The following MAP3K12 variants were observed in gnomAD, a reference collection of about 807,000 sequenced individuals.
MAP3K12 encodes MAPK-upstream kinase.
In MAP3K12, 14 loss-of-function variants were observed where a neutral mutation model predicts 87.5. The ratio of observed to expected loss-of-function variants is 0.16; its 90% CI spans 0.11 to 0.25. MAP3K12 has a LOEUF of 0.25. MAP3K12 is among the 10% of genes least tolerant of loss of function. The probability of loss-of-function intolerance (pLI) is 1.00; values close to 1 mark genes in which losing one functional copy is unlikely to be tolerated. For missense variants in MAP3K12, 802 were observed against 1,140.4 expected, an observed-to-expected ratio of 0.70 and a Z score of 4.27; for synonymous variants, 469 against 452.5, an observed-to-expected ratio of 1.04 and a Z score of -0.46.
chr12:53,482,393 G>T (rs1301421142), intron 11 of MAP3K12, 24 bp from the exon 12 acceptor site: 1 of 1,613,016 alleles, frequency 6.2e-7, no homozygotes, highest in South Asian at 1.1e-5. Flanking sequence ...GGGGTGGGGG[G>T]GGTCTGATTA....
Position 53,484,246 on chromosome 12 carries a change from C to T in MAP3K12, c.1248+11G>A. ...GGGAGTTAGGTATTTATTTTCCTAC[C>T]CACAGCACACCTGGGACTTAAAGTA... On this transcript the variant is annotated intron_variant, in intron 7 of 13. Transcript: ENST00000547488. The T allele has an allele frequency of 6.2e-7, 1 of 1,609,820 alleles. No individual in the cohort carries two copies.
chr12:53,483,171 C>A lies in MAP3K12; in HGVS notation c.1632G>T (p.Thr544=), dbSNP rs757861359. ...CATCTAGTTTAGGGAGCAAAGACTC[C>A]GTCTTGAGGATATCTGGCCTGGAAG... ...PHSKRPDILK[T]ESLLPKLDAA... is the part of the protein sequence containing the mutation. Residue 544 remains threonine, a synonymous_variant, in exon 11 of 14, where the codon ACG becomes ACT. Transcript: ENST00000547488. 25 of 1,521,112 alleles carry A rather than the reference C, an allele frequency of 1.6e-5. 1 individual carries two copies. In the South Asian group the frequency reaches 3.1e-4, roughly 19 times the overall value. 94.2% of individuals were successfully genotyped at this position (1,521,112 alleles called of 1,614,324 possible). A position where few individuals can be genotyped will look rare whatever the true frequency, so the allele number is the denominator to read the frequency against.
Position 53,482,202 on chromosome 12 carries a change from C to G in MAP3K12, c.2319G>C (p.Gln773His), listed in dbSNP as rs773337527. Residue 773 changes from glutamine to histidine, a missense_variant, in exon 13 of 14, where the codon CAG becomes CAC. Around this residue, in one of 5 missense-constraint regions of MAP3K12, gnomAD observed 490 missense variants for 496.6 expected, o/e 0.99. Transcript: ENST00000547488. ...VELTSSQRWP[Q>H]SLNMRQSLST... ...ATAGTGACTGGCGCATGTTCAGGCT[C>G]TGAGGCCACCTACATGTTGAAGAGG... 5.3e-5 allele frequency: 86 copies of G among 1,614,048 alleles called. No individual in the cohort carries two copies. Among genetic ancestry groups the G allele is most frequent in the Non-Finnish European group, 7.1e-5 (84 of 1,179,986 alleles).
chr12:53,482,856 T>C lies in MAP3K12; in HGVS notation c.1947A>G (p.Ala649=). 1.2e-6 allele frequency: 2 copies of C among 1,612,830 alleles called. No individual in the cohort carries two copies. Among genetic ancestry groups the C allele is most frequent in the Non-Finnish European group, 8.5e-7 (1 of 1,179,450 alleles). Residue 649 remains alanine (A), a synonymous_variant, in exon 11 of 14, where the codon GCA becomes GCG. Transcript: ENST00000547488. The part of the protein sequence containing the change: ...MSSSSPDLLS[A]ALGSRGRGAT... Reference sequence around the variant, plus strand: ...CCCCCCGGCCCCGGGACCCTAGTGCTGCTGACAGCAGGTCTGGGGACGATG... The same window carrying C: ...CCCCCCGGCCCCGGGACCCTAGTGCCGCTGACAGCAGGTCTGGGGACGATG...
At chr12:53,494,346 A>T (rs1465780370) in intron 1 of MAP3K12, among the ~76,000 whole-genome samples, 1 of 152,246 alleles carries the variant, frequency 6.6e-6, no homozygotes, top group Non-Finnish European at 1.5e-5. Context: ...GAGGGGACAG[A>T]ATGATCTCTA....
chr12:53,492,520 G>A (rs1943442018), intron 1 of MAP3K12, among the ~76,000 whole-genome samples: 1 of 152,088 alleles, frequency 6.6e-6, no homozygotes, highest in Non-Finnish European at 1.5e-5. Flanking sequence ...CCAGGTGAAG[G>A]AGGTACTACT....
chr12:53,490,715 C>T (rs925306363), intron 1 of MAP3K12, among the ~76,000 whole-genome samples: 2 of 150,186 alleles, frequency 1.3e-5, no homozygotes, highest in African/African-American at 4.9e-5. Flanking sequence ...CACTGCACTC[C>T]AGCCTGGGCA....
chr12:53,501,420 G>A (rs544720790), upstream of MAP3K12: 12 of 1,567,032 alleles, frequency 7.7e-6, no homozygotes, highest in Admixed American at 2.1e-4. Flanking sequence ...TGAGTGAAGA[G>A]GAGCAAGGCT....
At chr12:53,501,197 G>A (rs374106692), upstream of MAP3K12, 207 of 589,502 alleles carry the variant, frequency 3.5e-4, no homozygotes, top group African/African-American at 3.4e-3. Flanking sequence ...GCCCGGGCGA[G>A]CCACGCACGC....
At chr12:53,495,122 G>A (rs1354952027) in intron 1 of MAP3K12, among the ~76,000 whole-genome samples, 2 of 152,018 alleles carry the variant, frequency 1.3e-5, no homozygotes, top group Admixed American at 6.5e-5. Context: ...GGCGGATCAT[G>A]AGGTCAGGAG....
rs766684603 is a variant in MAP3K12, at chr12:53,482,224, G to A, written c.2310-13C>T. The A allele has an allele frequency of 1.9e-6, 3 of 1,614,158 alleles. No individual in the cohort carries two copies. In the South Asian group the frequency reaches 3.3e-5, roughly 18 times the overall value. ...GCTCTGAGGCCACCTACATGTTGAAGAGGGGGATTACAGCTTGGTTCTGCC... is the reference window on the plus strand; with the variant it reads ...GCTCTGAGGCCACCTACATGTTGAAAAGGGGGATTACAGCTTGGTTCTGCC... On this transcript the variant is annotated splice_polypyrimidine_tract_variant and intron_variant, in intron 12 of 13. Transcript: ENST00000547488.
chr12:53,487,460 G>A, intron 1 of MAP3K12, 32 bp from the exon 2 acceptor site: 1 of 1,541,606 alleles, frequency 6.5e-7, no homozygotes. Flanking sequence ...GGGCTGGGCT[G>A]TTAAAGCCCC....
At chr12:53,500,962 T>G, upstream of MAP3K12, 1 of 171,770 alleles carries the variant, frequency 5.8e-6, no homozygotes, top group South Asian at 1.1e-4. Context: ...GGCTCTTGGG[T>G]TCTGTAGTTT....
intron 1 of MAP3K12, chr12:53,493,155 C>T (rs1943462212): frequency 6.6e-6 from 1 of 152,440 alleles, no homozygotes; most frequent in African/African-American, 2.4e-5. Context: ...ACGACTGGGC[C>T]TGAGGCGGCG....
chr12:53,492,057 A>T (rs1380477568), intron 1 of MAP3K12, among the ~76,000 whole-genome samples: 1 of 149,792 alleles, frequency 6.7e-6, no homozygotes, highest in Admixed American at 6.6e-5. Flanking sequence ...CCTGGGTGAC[A>T]GAGCAAGACT....
chr12:53,497,731 T>C (rs1943571001), intron 1 of MAP3K12, among the ~76,000 whole-genome samples: 1 of 152,184 alleles, frequency 6.6e-6, no homozygotes, highest in African/African-American at 2.4e-5. Context: ...TCCCAGGGCT[T>C]GACTGGTGTA....
At position 53,483,002 on chromosome 12, in the gene MAP3K12, G is replaced by C; in HGVS notation, c.1801C>G (p.Pro601Ala). Residue 601 changes from proline to alanine, a missense_variant, in exon 11 of 14, where the codon CCC becomes GCC. Pro to Ala is a conservative substitution (Grantham distance 27, BLOSUM62 -1). This residue lies in a region of MAP3K12 where 490 missense variants were observed against 496.6 expected (regional missense o/e 0.99). Coordinates refer to ENST00000547488, the MANE Select transcript of MAP3K12 (RefSeq NM_001193511.2). Reference sequence around the variant, plus strand: ...CTTCCTGGTCCTCCAGGTTCATGGGGTGGCACAGCTGTACGAAGCCCAGGC... The same window carrying C: ...CTTCCTGGTCCTCCAGGTTCATGGGCTGGCACAGCTGTACGAAGCCCAGGC... Reference protein sequence around the residue: ...DLPGLRTAVPPHEPGGPGSPG... With the variant: ...DLPGLRTAVPAHEPGGPGSPG... The C allele has an allele frequency of 1.9e-6, 3 of 1,571,296 alleles. No individual in the cohort carries two copies. Among genetic ancestry groups the C allele is most frequent in the Non-Finnish European group, 2.6e-6 (3 of 1,159,404 alleles).
In MAP3K12 at chr12:53,482,580, G is replaced by C; in HGVS notation, c.2223C>G (p.Ala741=). Residue 741 remains alanine (A), a synonymous_variant, in exon 11 of 14, where the codon GCC becomes GCG. Coordinates refer to ENST00000547488, the MANE Select transcript of MAP3K12 (RefSeq NM_001193511.2). The part of the protein sequence containing the change: ...LTPAALLYRA[A]VTRSQKRGIS... ...CATACTTTACCTGACTTCGGGTGACGGCAGCCCTGTACAGCAGTGCAGCTG... is the reference window on the plus strand; with the variant it reads ...CATACTTTACCTGACTTCGGGTGACCGCAGCCCTGTACAGCAGTGCAGCTG... 6.2e-7 allele frequency: 1 copy of C among 1,609,712 alleles called. No homozygotes were observed. Among genetic ancestry groups the C allele is most frequent in the East Asian group, 2.2e-5 (1 of 44,824 alleles).
rs1943103161 is a variant in MAP3K12 at position 53,482,746 on chromosome 12, G to C, written c.2057C>G (p.Thr686Ser). The stretch of plus-strand genomic sequence containing the variant: ...GGCTCCCCCAGGTGAATCTGGGCTG[G>C]TGGAGCCAGGGGCTGAGCCCTCACT... ...PPSEGSAPGS[T>S]SPDSPGGAKG... The change falls in exon 11 of 14, where the codon ACC (threonine) becomes AGC (serine). Residue 686 changes from threonine (T) to serine (S), a missense_variant. This residue lies in a region of MAP3K12 where 490 missense variants were observed against 496.6 expected (regional missense o/e 0.99). Transcript: ENST00000547488. 1.2e-6 allele frequency: 2 copies of C among 1,614,060 alleles called. No homozygotes were observed. Among genetic ancestry groups the C allele is most frequent in the South Asian group, 1.1e-5 (1 of 91,086 alleles).
Sources: gnomAD v4.1 joint callset for allele counts (sites outside exome capture counted in the v4.1 genomes callset) on GRCh38, gnomAD v4.1.1 for gene constraint, gnomAD v4.1.1 regional missense constraint, MANE v1.5 for transcripts, NCBI Gene and HGNC (gene_info 2026-07-23, HGNC 2026-07-21) for gene names.